The following RADX variants were observed in gnomAD, a reference collection of about 807,000 sequenced individuals.
RADX encodes the protein RPA-related protein RADX.
A neutral mutation model predicts 61.6 loss-of-function variants in RADX; 36 were observed. The observed-to-expected ratio is 0.58, with a 90% CI of 0.45 to 0.77. The LOEUF (loss-of-function observed/expected upper bound fraction) is 0.77, where lower values mean the gene tolerates loss of function less well. RADX is among the 30% of genes least tolerant of loss of function. The pLI is 0.00. For missense variants in RADX, 497 were observed against 651.1 expected, an observed-to-expected ratio of 0.76 and a Z score of 2.58; for synonymous variants, 272 against 237.9, an observed-to-expected ratio of 1.14 and a Z score of -1.32.
chrX:106,612,167 C>A lies in RADX; in HGVS notation c.87C>A (p.Val29=). The A allele has an allele frequency of 3.3e-6, 4 of 1,211,625 alleles. No homozygotes were observed. The highest frequency in any genetic ancestry group is 4.5e-6 in the Non-Finnish European group (4 of 895,422). The stretch of plus-strand genomic sequence containing the variant: ...ACCCTGAGAGGAATCGGGCTGGGGT[C>A]CCGGGAGGGGTGATCCGAAGAGCTG... ...WPNPERNRAG[V]PGGVIRRAGS... Residue 29 remains valine (V), a synonymous_variant, in exon 1 of 14, where the codon GTC becomes GTA. Coordinates refer to ENST00000372548, the MANE Select transcript of RADX (RefSeq NM_018015.6).
chrX:106,661,907 A>G (rs1305009289), intron 11 of RADX, 108 bp from the exon 12 acceptor site: 1 of 620,897 alleles, frequency 1.6e-6, no homozygotes, highest in Non-Finnish European at 2.4e-6. Context: ...TTGATTTTTA[A>G]TGTTACTTAA....
intron 11 of RADX, among the ~76,000 whole-genome samples, chrX:106,653,492 T>C (rs1927851754): frequency 9.4e-6 from 1 of 106,523 alleles, no homozygotes; most frequent in African/African-American, 3.3e-5. Flanking sequence ...TAGCAGGGCT[T>C]AATGGGATTA....
At chrX:106,614,638 G>A (rs996615937) in intron 1 of RADX, among the ~76,000 whole-genome samples, 9 of 111,544 alleles carry the variant, frequency 8.1e-5, no homozygotes, top group African/African-American at 2.9e-4. Context: ...ACATACATAT[G>A]AGAATGCCCA....
At chrX:106,616,031 A>T (rs1926793342) in intron 1 of RADX, among the ~76,000 whole-genome samples, 1 of 111,407 alleles carries the variant, frequency 9.0e-6, no homozygotes, top group Non-Finnish European at 1.9e-5. Context: ...TATGTTCCTT[A>T]AAGACTTAGT....
chrX:106,625,316 T>C, intron 3 of RADX, 34 bp downstream of exon 3: 5 of 1,000,921 alleles, frequency 5.0e-6, no homozygotes, highest in Non-Finnish European at 6.7e-6. Flanking sequence ...GTCTTATCGC[T>C]GTTTTGTTTA....
At chrX:106,660,660 T>C (rs1358409878) in intron 11 of RADX, among the ~76,000 whole-genome samples, 6 of 112,104 alleles carry the variant, frequency 5.4e-5, no homozygotes, top group Non-Finnish European at 1.1e-4. Context: ...AAAATCAATT[T>C]TTTTTTCTGA....
At chrX:106,659,174 T>C (rs1203695111) in intron 11 of RADX, among the ~76,000 whole-genome samples, 3 of 111,232 alleles carry the variant, frequency 2.7e-5, no homozygotes, top group Non-Finnish European at 5.7e-5. Context: ...AGAGACAGGG[T>C]CTCCCTATGT....
At chrX:106,641,346 C>T (rs1927509207) in intron 10 of RADX, among the ~76,000 whole-genome samples, 1 of 110,752 alleles carries the variant, frequency 9.0e-6, no homozygotes, top group African/African-American at 3.3e-5. Context: ...CCCCAAAAGT[C>T]TTATCCCATA....
rs1217511869 is a variant in RADX, at chrX:106,622,641, T to C, written c.644-10T>C. ...TAAACAGGATTTCTTTCCTCTTTTT[T>C]ATATTCTAGATACCAAAATAATTTC... is the stretch of plus-strand genomic sequence containing the variant. On this transcript the variant is annotated splice_polypyrimidine_tract_variant and intron_variant, in intron 1 of 13. Coordinates refer to ENST00000372548, the MANE Select transcript of RADX (RefSeq NM_018015.6). 3 of 1,078,756 alleles carry C rather than the reference T, an allele frequency of 2.8e-6. No individual in the cohort carries two copies. Among genetic ancestry groups the C allele is most frequent in the Admixed American group, 5.1e-5 (2 of 38,868 alleles). The allele number at this position is 1,078,756 out of a possible 1,213,427, so 88.9% of individuals were successfully genotyped here.
At chrX:106,620,732 G>A (rs1331375297) in intron 1 of RADX, among the ~76,000 whole-genome samples, 1 of 111,492 alleles carries the variant, frequency 9.0e-6, no homozygotes, top group African/African-American at 3.3e-5. Flanking sequence ...AATGTATAGG[G>A]ATCCTGAGAC....
intron 3 of RADX, among the ~76,000 whole-genome samples, chrX:106,627,528 A>G (rs1479215700): frequency 9.0e-6 from 1 of 111,109 alleles, no homozygotes; most frequent in Non-Finnish European, 1.9e-5. Context: ...TATTAACTGT[A>G]GTCACCATCC....
intron 11 of RADX, among the ~76,000 whole-genome samples, chrX:106,655,238 C>T (rs1388307256): frequency 9.1e-6 from 1 of 109,926 alleles, no homozygotes; most frequent in Non-Finnish European, 1.9e-5. Flanking sequence ...TTAAGTGAGT[C>T]GTAGTCTTTT....
chrX:106,669,730 T>G (rs1057029955), intron 13 of RADX, among the ~76,000 whole-genome samples: 3 of 111,793 alleles, frequency 2.7e-5, no homozygotes, highest in Non-Finnish European at 5.6e-5. Context: ...AATTATTCTC[T>G]CTTATAAATG....
At chrX:106,623,689 A>G (rs1439757558) in intron 2 of RADX, among the ~76,000 whole-genome samples, 6 of 111,247 alleles carry the variant, frequency 5.4e-5, no homozygotes, top group African/African-American at 1.3e-4. Context: ...TAGATGTATT[A>G]TATATTTCAT....
rs1248371100 is a variant in RADX at position 106,639,617 on chromosome X, T to G, written c.1664T>G (p.Ile555Arg). Reference protein sequence around the residue: ...REQKRIAIQGIITAIKYIPHS... With the variant: ...REQKRIAIQGRITAIKYIPHS... ...CAAAAGCGCATTGCAATTCAGGGGATAATTACTGCTATAAAGTATATCCCC... is the reference window on the plus strand; with the variant it reads ...CAAAAGCGCATTGCAATTCAGGGGAGAATTACTGCTATAAAGTATATCCCC... Residue 555 changes from isoleucine to arginine, a missense_variant, in exon 9 of 14, where the codon ATA (isoleucine) becomes AGA (arginine). Coordinates refer to ENST00000372548, the MANE Select transcript of RADX (RefSeq NM_018015.6). 8.3e-7 allele frequency: 1 copy of G among 1,205,283 alleles called. No homozygotes were observed. The highest frequency in any genetic ancestry group is 2.2e-5 in the Admixed American group (1 of 45,550).
intron 1 of RADX, among the ~76,000 whole-genome samples, chrX:106,617,755 G>C (rs965327970): frequency 1.8e-5 from 2 of 111,438 alleles, no homozygotes; most frequent in Non-Finnish European, 3.8e-5. Context: ...AAGAGTGCCA[G>C]TCAGAAAAAT....
At chrX:106,648,618 T>G (rs1454816219) in intron 11 of RADX, among the ~76,000 whole-genome samples, 1 of 106,665 alleles carries the variant, frequency 9.4e-6, no homozygotes, top group Non-Finnish European at 1.9e-5. Flanking sequence ...TTAGTAATAG[T>G]ATATCTCTTC....
At chrX:106,652,704 C>G (rs937947287) in intron 11 of RADX, among the ~76,000 whole-genome samples, 2 of 108,813 alleles carry the variant, frequency 1.8e-5, no homozygotes, top group Non-Finnish European at 3.8e-5. Context: ...TGCACACACA[C>G]ACACACACAC....
intron 3 of RADX, among the ~76,000 whole-genome samples, chrX:106,631,856 AGAG>A (rs1410458277): frequency 9.0e-6 from 1 of 111,117 alleles, no homozygotes; most frequent in Non-Finnish European, 1.9e-5. Context: ...AGAAAGAAAA[AGAG>A]AAAAGAAAGA....
Sources: gnomAD v4.1 joint callset for allele counts (sites outside exome capture counted in the v4.1 genomes callset) on GRCh38, gnomAD v4.1.1 for gene constraint, MANE v1.5 for transcripts, NCBI Gene and HGNC (gene_info 2026-07-23, HGNC 2026-07-21) for gene names.